DNAI4: variants seen among roughly 807,000 people sequenced by gnomAD.
DNAI4 encodes WD repeat domain 78.
Under a neutral mutation model 105.8 loss-of-function variants are expected in DNAI4, and 85 were observed. The ratio of observed to expected loss-of-function variants is 0.80; its 90% CI spans 0.67 to 0.96. The LOEUF is 0.96. DNAI4 is among the 40% of genes least tolerant of loss of function. The pLI is 0.00. For missense variants in DNAI4, 1,014 were observed against 1,005.6 expected (o/e 1.01, Z -0.11); for synonymous variants, 352 against 331.5 (o/e 1.06, Z -0.67).
At chr1:66,846,444 A>G (rs145292021) in intron 8 of DNAI4, among the ~76,000 whole-genome samples, 157 of 152,328 alleles carry the variant, frequency 1.0e-3, no homozygotes, top group African/African-American at 3.5e-3. Context: ...GAAATACAAT[A>G]GGCAAACATG....
At chr1:66,859,434 A>C (rs920961493) in intron 7 of DNAI4, among the ~76,000 whole-genome samples, 5 of 152,168 alleles carry the variant, frequency 3.3e-5, no homozygotes, top group Non-Finnish European at 7.4e-5. Flanking sequence ...TGATCCAAAA[A>C]TCGGGCTCCT....
intron 4 of DNAI4, among the ~76,000 whole-genome samples, chr1:66,878,008 CCT>C (rs971233956): frequency 6.6e-6 from 1 of 152,074 alleles, no homozygotes; most frequent in East Asian, 1.9e-4. Context: ...TATTTTCCCC[CCT>C]CTCTCTTTTA....
At chr1:66,918,519 A>ATTTTAT (rs1650238076) in intron 1 of DNAI4, among the ~76,000 whole-genome samples, 3 of 150,860 alleles carry the variant, frequency 2.0e-5, no homozygotes, top group Non-Finnish European at 4.4e-5. Flanking sequence ...GAAAATAAAC[A>ATTTTAT]GCAACCTATT....
At chr1:66,877,809 T>C (rs534090669) in intron 4 of DNAI4, among the ~76,000 whole-genome samples, 1 of 152,178 alleles carries the variant, frequency 6.6e-6, no homozygotes, top group African/African-American at 2.4e-5. Context: ...GCAGCAGTCA[T>C]GTATTTTGTA....
At chr1:66,884,742 T>C (rs982560413) in intron 4 of DNAI4, among the ~76,000 whole-genome samples, 1 of 152,184 alleles carries the variant, frequency 6.6e-6, no homozygotes, top group African/African-American at 2.4e-5. Context: ...TAAAATTAGT[T>C]TGGAAATGTT....
At chr1:66,837,918 G>GA (rs1371750062) in intron 9 of DNAI4, 122 bp from the exon 10 acceptor site, 1 of 956,724 alleles carries the variant, frequency 1.0e-6, no homozygotes, top group Non-Finnish European at 1.5e-6. Flanking sequence ...CATCTGAGAG[G>GA]AAAAAATGCC....
chr1:66,897,385 A>G (rs1648420831), intron 2 of DNAI4, among the ~76,000 whole-genome samples: 2 of 152,234 alleles, frequency 1.3e-5, no homozygotes, highest in African/African-American at 4.8e-5. Flanking sequence ...AGCAAAGCAG[A>G]AAGATTTGGA....
At chr1:66,816,727 TCA>T (rs57920483) in intron 16 of DNAI4, among the ~76,000 whole-genome samples, 8,129 of 137,582 alleles carry the variant, frequency 0.059, 274 homozygotes, top group African/African-American at 0.099. Flanking sequence ...AGCCTTGAAA[TCA>T]CACACACACA....
chr1:66,854,195 C>T (rs1352125420), intron 7 of DNAI4, among the ~76,000 whole-genome samples: 1 of 152,112 alleles, frequency 6.6e-6, no homozygotes, highest in Non-Finnish European at 1.5e-5. Flanking sequence ...AGTTTGAGAA[C>T]AGTCTGGGCA....
chr1:66,892,999 G>A (rs12738508), intron 3 of DNAI4, among the ~76,000 whole-genome samples: 5,823 of 69,616 alleles, frequency 0.084, 333 homozygotes, highest in Middle Eastern at 0.18. Context: ...GAAAGAAAGA[G>A]AGAAAGAGAG....
intron 5 of DNAI4, among the ~76,000 whole-genome samples, chr1:66,874,170 C>A (rs985950487): frequency 6.6e-5 from 10 of 151,838 alleles, no homozygotes; most frequent in South Asian, 2.1e-4. Flanking sequence ...AGGGATAGTA[C>A]AAAATGATAA....
chr1:66,822,527 A>G lies in DNAI4; in HGVS notation c.2340-10T>C. On this transcript the variant is annotated splice_polypyrimidine_tract_variant and intron_variant, in intron 15 of 16. Transcript: ENST00000371026. The stretch of plus-strand genomic sequence containing the variant: ...AATCAGAGGGTCCAAACTGTAATGA[A>G]ATATTTTATTTGTAAATTCAATTGT... The G allele has an allele frequency of 6.4e-7, 1 of 1,564,380 alleles. No individual in the cohort carries two copies. Among genetic ancestry groups the G allele is most frequent in the Non-Finnish European group, 8.6e-7 (1 of 1,159,074 alleles).
rs530692997 is a variant in DNAI4 at position 66,848,269 on chromosome 1, C to T, written c.1097-591G>A. 66 of 456,142 alleles carry T rather than the reference C, an allele frequency of 1.4e-4. 3 individuals carry two copies. The highest frequency in any genetic ancestry group is 9.6e-4 in the South Asian group (62 of 64,542). The allele number at this position is 456,142 out of a possible 1,614,324, so 28.3% of individuals were successfully genotyped here. A position where few individuals can be genotyped will look rare whatever the true frequency, so the allele number is the denominator to read the frequency against. On this transcript the variant is annotated intron_variant, in intron 7 of 16. Transcript: ENST00000371026. ...AAGACAGCAACATTGATTGCATTCC[C>T]GCTGACCTTCTTCTGTCATCACGTC...
intron 3 of DNAI4, 148 bp downstream of exon 3, chr1:66,893,081 G>GAAAGAA (rs1169746531): frequency 7.8e-6 from 3 of 384,116 alleles, no homozygotes; most frequent in Admixed American, 4.6e-5. Flanking sequence ...AAGAAAGAAA[G>GAAAGAA]AAAGAAAGAA....
At chr1:66,815,174 A>G (rs2100278672) in intron 16 of DNAI4, among the ~76,000 whole-genome samples, 1 of 152,310 alleles carries the variant, frequency 6.6e-6, no homozygotes, top group Admixed American at 6.5e-5. Context: ...AGGTCCATCA[A>G]TTCTAACCTT....
At chr1:66,888,548 C>G (rs1460346758) in intron 4 of DNAI4, among the ~76,000 whole-genome samples, 1 of 152,122 alleles carries the variant, frequency 6.6e-6, no homozygotes, top group African/African-American at 2.4e-5. Context: ...CAAAAATTAG[C>G]CAGGCATGGT....
intron 10 of DNAI4, among the ~76,000 whole-genome samples, chr1:66,837,380 A>C (rs904614311): frequency 2.0e-5 from 3 of 151,690 alleles, no homozygotes; most frequent in Admixed American, 1.3e-4. Flanking sequence ...AAAAAAAAAA[A>C]AAAACATAAT....
At chr1:66,903,576 C>T (rs1649003134) in intron 2 of DNAI4, among the ~76,000 whole-genome samples, 1 of 152,172 alleles carries the variant, frequency 6.6e-6, no homozygotes, top group African/African-American at 2.4e-5. Flanking sequence ...CACTGCAACC[C>T]TCTGCCTGCC....
In DNAI4 at chr1:66,858,548, AAAT is replaced by A. The variant is rs1331192959; in HGVS notation, c.1096+3596_1096+3598del. Among the ~76,000 whole-genome samples, 4 of 151,006 alleles carry A rather than the reference AAAT, an allele frequency of 2.6e-5. No individual in the cohort carries two copies. In the East Asian group the frequency reaches 7.8e-4, roughly 29 times the overall value. On this transcript the variant is annotated intron_variant, in intron 7 of 16. Transcript: ENST00000371026. Reference sequence around the variant, plus strand: ...ACTCCGTCTCAAAAAAAAAAAAAAAAAATGCAAAAATCCTCAACAAAATATTAG... The same window carrying A: ...ACTCCGTCTCAAAAAAAAAAAAAAAAGCAAAAATCCTCAACAAAATATTAG...
Sources: gnomAD v4.1 joint callset for allele counts (sites outside exome capture counted in the v4.1 genomes callset) on GRCh38, gnomAD v4.1.1 for gene constraint, MANE v1.5 for transcripts, NCBI Gene and HGNC (gene_info 2026-07-23, HGNC 2026-07-21) for gene names.